The following MIB1 variants were observed in gnomAD, a reference collection of about 807,000 sequenced individuals.
MIB1 encodes the protein MIB E3 ubiquitin protein ligase 1, also known as E3 ubiquitin-protein ligase MIB1.
Under a neutral mutation model 124.5 loss-of-function variants are expected in MIB1, and 278 were observed. The observed-to-expected ratio is 2.23, with a 90% confidence interval of 2.02 to 2.47. The LOEUF (loss-of-function observed/expected upper bound fraction) is 2.47, where lower values mean the gene tolerates loss of function less well. MIB1 is among the 30% of genes most tolerant of loss of function. MIB1 has a pLI of 0.00. For missense variants in MIB1, 957 were observed against 1,254.4 expected (o/e 0.76, Z 3.58); for synonymous variants, 446 against 429.4 (o/e 1.04, Z -0.48).
At position 21,735,264 on chromosome 18, in the gene MIB1, G is replaced by C. The variant is rs551081162; in HGVS notation, n.167+30141G>C. 3.0e-3 allele frequency among the ~76,000 whole-genome samples: 455 copies of C among 152,288 alleles called. 2 individuals carry two copies. The highest frequency in any genetic ancestry group is 0.01 in the African/African-American group (431 of 41,554). On this transcript the variant is annotated intron_variant and non_coding_transcript_variant, in intron 1 of 20. Transcript: ENST00000578646. Reference sequence around the variant, plus strand: ...TTGTCTCACTCAGGAAGCACAAGGGGTCAGTGGATCTCCCTCCCCAAGCCA... The same window carrying C: ...TTGTCTCACTCAGGAAGCACAAGGGCTCAGTGGATCTCCCTCCCCAAGCCA...
intron 6 of MIB1, among the ~76,000 whole-genome samples, chr18:21,787,268 G>A (rs183156513): frequency 6.6e-4 from 101 of 152,196 alleles, no homozygotes; most frequent in African/African-American, 2.4e-3. Context: ...TTGGCTATGT[G>A]GGAAGTCTGG....
chr18:21,801,957 A>G (rs2041655078), intron 9 of MIB1, among the ~76,000 whole-genome samples: 2 of 151,826 alleles, frequency 1.3e-5, no homozygotes, highest in Non-Finnish European at 2.9e-5. Flanking sequence ...TTGTTTCTAC[A>G]TTTTCTCTCT....
chr18:21,735,473 G>GTT (rs541103508), intron 1 of MIB1, among the ~76,000 whole-genome samples: 1 of 145,442 alleles, frequency 6.9e-6, no homozygotes, highest in African/African-American at 2.5e-5. Flanking sequence ...AGCTGCAAGG[G>GTT]TTTTTTTTTT....
intron 13 of MIB1, among the ~76,000 whole-genome samples, chr18:21,841,183 TC>T (rs1347366876): frequency 1.3e-5 from 2 of 152,056 alleles, no homozygotes; most frequent in Admixed American, 1.3e-4. Context: ...CTGGCCAACA[TC>T]GTGAAACCCC....
intron 1 of MIB1, among the ~76,000 whole-genome samples, chr18:21,761,225 G>GT (rs1246771824): frequency 2.2e-5 from 3 of 136,190 alleles, no homozygotes; most frequent in East Asian, 5.3e-4. Flanking sequence ...CACACAAAGT[G>GT]GTTTTTTTTT....
At position 21,798,162 on chromosome 18, in the gene MIB1, A is replaced by G. The variant is rs1315015433; in HGVS notation, c.1171A>G (p.Thr391Ala). 1.2e-6 allele frequency: 2 copies of G among 1,613,230 alleles called. No homozygotes were observed. Among genetic ancestry groups the G allele is most frequent in the African/African-American group, 1.3e-5 (1 of 74,868 alleles). The change falls in exon 8 of 21, where the codon ACA becomes GCA. Residue 391 changes from threonine to alanine, a missense_variant. Coordinates refer to ENST00000261537, the MANE Select transcript of MIB1 (RefSeq NM_020774.4). ...GGTGGAAGTTTGTGGAACATCTTGGACATACAATCCAGCAGCAGTTTCCAA... is the reference window on the plus strand; with the variant it reads ...GGTGGAAGTTTGTGGAACATCTTGGGCATACAATCCAGCAGCAGTTTCCAA... ...LKVEVCGTSWTYNPAAVSKVA... is the reference protein window; with the variant it reads ...LKVEVCGTSWAYNPAAVSKVA...
At chr18:21,724,924 C>T (rs1325183345) in intron 1 of MIB1, among the ~76,000 whole-genome samples, 2 of 145,944 alleles carry the variant, frequency 1.4e-5, no homozygotes, top group Non-Finnish European at 3.0e-5. Flanking sequence ...AATCCTGTCT[C>T]TACTAAAAAA....
At chr18:21,748,246 A>G (rs2040932553) in intron 1 of MIB1, among the ~76,000 whole-genome samples, 1 of 152,204 alleles carries the variant, frequency 6.6e-6, no homozygotes, top group Non-Finnish European at 1.5e-5. Context: ...TGATAATGAA[A>G]TGTAAACCAA....
intron 17 of MIB1, among the ~76,000 whole-genome samples, 173 bp from the exon 18 acceptor site, chr18:21,852,967 G>A (rs1312608580): frequency 1.3e-5 from 2 of 152,180 alleles, no homozygotes; most frequent in Non-Finnish European, 2.9e-5. Context: ...GGTATATAAA[G>A]ATGTGAAAAT....
chr18:21,773,024 G>A lies in MIB1; in HGVS notation c.532-600G>A, dbSNP rs540715231. ...CTCACACCTGTAATCCCAGCACTTT[G>A]GGAGGCCTAGACGGGCAGATCACCT... On this transcript the variant is annotated intron_variant, in intron 3 of 20. Coordinates refer to ENST00000261537, the MANE Select transcript of MIB1 (RefSeq NM_020774.4). Among the ~76,000 whole-genome samples the A allele has an allele frequency of 1.5e-3, 231 of 152,258 alleles. 1 individual carries two copies. Among genetic ancestry groups the A allele is most frequent in the Non-Finnish European group, 2.4e-3 (163 of 68,024 alleles).
chr18:21,768,394 TA>T (rs1367951576), intron 2 of MIB1, among the ~76,000 whole-genome samples: 3 of 152,180 alleles, frequency 2.0e-5, no homozygotes, highest in African/African-American at 7.2e-5. Flanking sequence ...TATTATATAA[TA>T]AAAGCTTAGT....
chr18:21,809,850 C>G (rs1360042292), intron 10 of MIB1, among the ~76,000 whole-genome samples: 1 of 152,006 alleles, frequency 6.6e-6, no homozygotes, highest in Non-Finnish European at 1.5e-5. Flanking sequence ...GCAAGGATAC[C>G]TGCTTTTACC....
intron 6 of MIB1, among the ~76,000 whole-genome samples, chr18:21,783,024 T>C (rs1365701768): frequency 6.6e-6 from 1 of 152,180 alleles, no homozygotes. Context: ...ATACAGTGAC[T>C]TTTGTCTGTT....
At chr18:21,755,750 TTATTTATTTATA>T (rs1283684303) in intron 1 of MIB1, among the ~76,000 whole-genome samples, 5 of 152,226 alleles carry the variant, frequency 3.3e-5, no homozygotes, top group Non-Finnish European at 7.3e-5. Flanking sequence ...TTTGGAATAC[TTATTTATTTATA>T]TATTTATTAC....
intron 7 of MIB1, among the ~76,000 whole-genome samples, chr18:21,795,259 G>A (rs1410766997): frequency 1.4e-5 from 2 of 140,574 alleles, no homozygotes; most frequent in South Asian, 4.3e-4. Context: ...GAACCAAGTC[G>A]AGATTTTATA....
chr18:21,776,402 C>T (rs537944607), intron 4 of MIB1, among the ~76,000 whole-genome samples: 9 of 152,124 alleles, frequency 5.9e-5, no homozygotes, highest in African/African-American at 1.9e-4. Context: ...CATGCATGTG[C>T]ATACCTGCAG....
chr18:21,839,326 GCTCT>G, intron 13 of MIB1, among the ~76,000 whole-genome samples: 1 of 152,006 alleles, frequency 6.6e-6, no homozygotes, highest in Non-Finnish European at 1.5e-5. Flanking sequence ...TAAAATTACT[GCTCT>G]CTGTTAATTA....
intron 1 of MIB1, among the ~76,000 whole-genome samples, chr18:21,731,024 C>T (rs1359731402): frequency 1.3e-5 from 2 of 151,956 alleles, no homozygotes; most frequent in African/African-American, 4.9e-5. Context: ...ACTTTCACCT[C>T]CTGAGTGAAT....
intron 20 of MIB1, among the ~76,000 whole-genome samples, chr18:21,862,806 C>T (rs905265604): frequency 1.2e-4 from 19 of 152,298 alleles, no homozygotes; most frequent in Admixed American, 5.2e-4. Context: ...TAGTGCCTGA[C>T]AAGTGTTCTC....
Sources: gnomAD v4.1 joint callset for allele counts (sites outside exome capture counted in the v4.1 genomes callset) on GRCh38, gnomAD v4.1.1 for gene constraint, MANE v1.5 for transcripts, NCBI Gene and HGNC (gene_info 2026-07-23, HGNC 2026-07-21) for gene names.